Variants in TENM3 observed in about 807,000 individuals in gnomAD.
The protein encoded by TENM3 is teneurin-3.
In TENM3, 63 loss-of-function variants were observed where a neutral mutation model predicts 255.1. That is an observed-to-expected ratio of 0.25 (90% CI 0.20 to 0.30). The LOEUF (loss-of-function observed/expected upper bound fraction) is 0.30, where lower values mean the gene tolerates loss of function less well. TENM3 is among the 10% of genes least tolerant of loss of function. TENM3 has a pLI of 1.00. For missense variants in TENM3, 2,929 were observed against 3,461.1 expected (o/e 0.85, Z 3.86); for synonymous variants, 1,306 against 1,322.3 (o/e 0.99, Z 0.27).
the TENM3 span, among the ~76,000 whole-genome samples, chr4:181,635,839 C>T: frequency 6.6e-6 from 1 of 152,156 alleles, no homozygotes; most frequent in Non-Finnish European, 1.5e-5. Context: ...GACGGGGCTT[C>T]CTCACATAGA....
chr4:182,620,953 G>A (rs987889875), intron 4 of TENM3, among the ~76,000 whole-genome samples: 21 of 152,170 alleles, frequency 1.4e-4, no homozygotes, highest in Admixed American at 1.0e-3. Context: ...GCCAAGGCGG[G>A]TGGATCCCCT....
At chr4:182,635,641 A>G (rs1751779665) in intron 5 of TENM3, among the ~76,000 whole-genome samples, 1 of 152,324 alleles carries the variant, frequency 6.6e-6, no homozygotes, top group South Asian at 2.1e-4. Flanking sequence ...AAAAATACAT[A>G]TGTAGTTATT....
the TENM3 span, among the ~76,000 whole-genome samples, chr4:181,735,470 T>C: frequency 6.6e-6 from 1 of 152,328 alleles, no homozygotes; most frequent in Non-Finnish European, 1.5e-5. Flanking sequence ...TATATAAACT[T>C]ACTGTAATGC....
chr4:181,704,026 T>A, the TENM3 span, among the ~76,000 whole-genome samples: 1 of 152,126 alleles, frequency 6.6e-6, no homozygotes, highest in Non-Finnish European at 1.5e-5. Context: ...TCTCTGGAAG[T>A]ACCAACTTCT....
chr4:182,044,728 T>C, the TENM3 span, among the ~76,000 whole-genome samples: 2 of 152,220 alleles, frequency 1.3e-5, no homozygotes, highest in Non-Finnish European at 2.9e-5. Flanking sequence ...CGGGCCTTTA[T>C]AGAATGGAAC....
intron 27 of TENM3, among the ~76,000 whole-genome samples, chr4:182,798,458 G>A (rs971443248): frequency 6.6e-6 from 1 of 152,226 alleles, no homozygotes; most frequent in Non-Finnish European, 1.5e-5. Flanking sequence ...TACGTGTGCA[G>A]TAGGCTACAC....
rs759720847 is a variant in TENM3, at chr4:182,462,760, G to A, written c.511+115831G>A. 9.9e-5 allele frequency among the ~76,000 whole-genome samples: 15 copies of A among 151,866 alleles called. No homozygotes were observed. The South Asian group carries it at 1.0e-3, about 11-fold the overall frequency. ...AAATTAGCTGGGTGTGGTGGTGGGC[G>A]CCTGTGATCCCAGCTACTTGGAAGG... On this transcript the variant is annotated intron_variant, in intron 3 of 27. Transcript: ENST00000511685.
At chr4:182,737,734 T>C (rs1044254017) in intron 17 of TENM3, among the ~76,000 whole-genome samples, 1 of 152,230 alleles carries the variant, frequency 6.6e-6, no homozygotes, top group Admixed American at 6.5e-5. Context: ...GTATTTACCT[T>C]AAAATAGAAC....
intron 12 of TENM3, among the ~76,000 whole-genome samples, chr4:182,712,388 G>A (rs72995107): frequency 0.089 from 13,498 of 151,046 alleles, 993 homozygotes; most frequent in African/African-American, 0.2. Flanking sequence ...GTCAGCTGCC[G>A]CACCTCCTTG....
At chr4:181,660,733 G>C in the TENM3 span, among the ~76,000 whole-genome samples, 5 of 152,102 alleles carry the variant, frequency 3.3e-5, no homozygotes, top group African/African-American at 1.2e-4. Context: ...AAGCACATCT[G>C]CTTAATGCCT....
In TENM3 at chr4:182,588,123, T is replaced by A. The variant is rs190119199; in HGVS notation, c.512-12801T>A. ...GCTAATATATTTTAAGATTTTATAA[T>A]GTATTACCTAAAATAAAGGGAATTT... On this transcript the variant is annotated intron_variant, in intron 3 of 27. Coordinates refer to ENST00000511685, the MANE Select transcript of TENM3 (RefSeq NM_001080477.4). Among the ~76,000 whole-genome samples, 5 of 152,280 alleles carry A rather than the reference T, an allele frequency of 3.3e-5. No individual in the cohort carries two copies. The East Asian group carries it at 9.6e-4, about 29-fold the overall frequency.
intron 2 of TENM3, among the ~76,000 whole-genome samples, chr4:182,344,611 G>C (rs559598487): frequency 1.3e-5 from 2 of 152,242 alleles, no homozygotes; most frequent in South Asian, 4.2e-4. Context: ...CCACATTGTA[G>C]AGATTAGAAA....
chr4:181,983,389 A>C, the TENM3 span, among the ~76,000 whole-genome samples: 3 of 152,134 alleles, frequency 2.0e-5, no homozygotes, highest in Non-Finnish European at 4.4e-5. Context: ...TTAAACTGCC[A>C]AGATAATGAC....
the TENM3 span, among the ~76,000 whole-genome samples, chr4:181,562,173 C>A: frequency 2.9e-4 from 44 of 152,130 alleles, no homozygotes; most frequent in African/African-American, 1.0e-3. Context: ...TTTTGATATG[C>A]AGATACTTAA....
intron 3 of TENM3, among the ~76,000 whole-genome samples, chr4:182,385,372 C>T (rs1443342117): frequency 7.1e-6 from 1 of 140,726 alleles, no homozygotes; most frequent in Non-Finnish European, 1.5e-5. Flanking sequence ...TCAAGCGATT[C>T]TCCTGTCTCA....
chr4:182,618,273 A>C (rs1179782041), intron 4 of TENM3, among the ~76,000 whole-genome samples: 2 of 152,134 alleles, frequency 1.3e-5, no homozygotes, highest in South Asian at 2.1e-4. Context: ...GGTCCCTATA[A>C]TTTCTAATTT....
chr4:181,461,373 T>C, the TENM3 span, among the ~76,000 whole-genome samples: 2 of 152,170 alleles, frequency 1.3e-5, no homozygotes, highest in Non-Finnish European at 2.9e-5. Context: ...ATTTGTTTAT[T>C]GCATTTAAAA....
At chr4:181,927,954 A>G in the TENM3 span, among the ~76,000 whole-genome samples, 1 of 152,212 alleles carries the variant, frequency 6.6e-6, no homozygotes, top group Non-Finnish European at 1.5e-5. Flanking sequence ...TTACAAGGAA[A>G]ACTAACAAAC....
the TENM3 span, among the ~76,000 whole-genome samples, chr4:181,839,384 T>TATATAC: frequency 3.6e-5 from 3 of 83,496 alleles, no homozygotes; most frequent in African/African-American, 1.0e-4. Context: ...TATATATATA[T>TATATAC]ACACCTATAT....
Sources: gnomAD v4.1 joint callset for allele counts (sites outside exome capture counted in the v4.1 genomes callset) on GRCh38, gnomAD v4.1.1 for gene constraint, MANE v1.5 for transcripts, NCBI Gene and HGNC (gene_info 2026-07-23, HGNC 2026-07-21) for gene names.